Variants in CELF2 observed in about 807,000 individuals in gnomAD.
CELF2 encodes CUGBP Elav-like family member 2.
In CELF2, 8 loss-of-function variants were observed where a neutral mutation model predicts 62.6. The ratio of observed to expected loss-of-function variants is 0.13; its 90% CI spans 0.07 to 0.23. CELF2 has a LOEUF of 0.23. Among genes scored for constraint, CELF2 ranks in the 10% least tolerant of loss-of-function variants. The probability of loss-of-function intolerance (pLI) is 1.00; values close to 1 mark genes in which losing one functional copy is unlikely to be tolerated. For missense variants in CELF2, 333 were observed against 671.0 expected (o/e 0.50, Z 5.56); for synonymous variants, 258 against 250.0 (o/e 1.03, Z -0.30).
chr10:11,042,749 T>G (rs2062064553), intron 1 of CELF2, among the ~76,000 whole-genome samples: 1 of 152,200 alleles, frequency 6.6e-6, no homozygotes, highest in African/African-American at 2.4e-5. Context: ...GTTAACTGGA[T>G]TTGCCTGTTA....
At chr10:10,484,660 A>G in the CELF2 span, among the ~76,000 whole-genome samples, 1 of 151,950 alleles carries the variant, frequency 6.6e-6, no homozygotes, top group African/African-American at 2.4e-5. Flanking sequence ...TCAGTCGGTT[A>G]GGAATACAAG....
chr10:10,792,056 A>AGGAGGGAGAGAGGGAGGAAGGAG, the CELF2 span, among the ~76,000 whole-genome samples: 1 of 104,492 alleles, frequency 9.6e-6, no homozygotes, highest in African/African-American at 3.3e-5. Flanking sequence ...GGAGGAAGGA[A>AGGAGGGAGAGAGGGAGGAAGGAG]GGAAGGAGGG....
At chr10:10,888,509 G>A (rs1421283652) in intron 1 of CELF2, among the ~76,000 whole-genome samples, 2 of 152,180 alleles carry the variant, frequency 1.3e-5, no homozygotes, top group African/African-American at 2.4e-5. Flanking sequence ...CTAACAAATG[G>A]AAAACAGAGA....
chr10:10,692,276 C>T, the CELF2 span, among the ~76,000 whole-genome samples: 32,821 of 149,386 alleles, frequency 0.22, 3,447 homozygotes, highest in South Asian at 0.41. Flanking sequence ...ATCCTTTCCC[C>T]ATTGCTTGTT....
rs74718403 is a variant in CELF2 at position 10,929,220 on chromosome 10, G to T, written c.89+9221G>T. ...ATGGAAGCTACGAGATCAGTCTTTG[G>T]GCTCAGAAATGCTTGAATCTTGTGT... On this transcript the variant is annotated intron_variant, in intron 2 of 13. Transcript: ENST00000636488. Among the ~76,000 whole-genome samples, 375 of 152,134 alleles carry T rather than the reference G, an allele frequency of 2.5e-3. 4 individuals carry two copies. Among genetic ancestry groups the T allele is most frequent in the African/African-American group, 8.8e-3 (364 of 41,502 alleles).
chr10:11,327,688 C>G (rs2095825992), intron 12 of CELF2, among the ~76,000 whole-genome samples: 2 of 152,196 alleles, frequency 1.3e-5, no homozygotes, highest in African/African-American at 4.8e-5. Context: ...TCCCAGATCA[C>G]ATTTATTGGG....
At chr10:10,510,934 AG>A in the CELF2 span, among the ~76,000 whole-genome samples, 1 of 152,196 alleles carries the variant, frequency 6.6e-6, no homozygotes, top group Non-Finnish European at 1.5e-5. Flanking sequence ...CAGAATACAA[AG>A]GCCAGAGGCA....
chr10:10,697,756 C>T, the CELF2 span, among the ~76,000 whole-genome samples: 1,340 of 152,194 alleles, frequency 8.8e-3, 22 homozygotes, highest in African/African-American at 0.031. Flanking sequence ...AAGGCCGCAC[C>T]CCCCCAATAC....
the CELF2 span, among the ~76,000 whole-genome samples, chr10:10,688,001 A>T: frequency 6.6e-6 from 1 of 152,260 alleles, no homozygotes; most frequent in Admixed American, 6.5e-5. Context: ...TCTAAAGTAC[A>T]GACTCACAGC....
At chr10:10,698,991 T>A in the CELF2 span, among the ~76,000 whole-genome samples, 2 of 152,066 alleles carry the variant, frequency 1.3e-5, no homozygotes, top group African/African-American at 4.8e-5. Flanking sequence ...AACATACTAG[T>A]AAATTAGTGT....
intron 1 of CELF2, among the ~76,000 whole-genome samples, chr10:10,867,555 T>C (rs2060467146): frequency 6.6e-6 from 1 of 152,228 alleles, no homozygotes; most frequent in Admixed American, 6.5e-5. Flanking sequence ...CTCAAACTTC[T>C]GCATCATTTT....
chr10:10,565,432 C>A, the CELF2 span, among the ~76,000 whole-genome samples: 3 of 152,206 alleles, frequency 2.0e-5, no homozygotes, highest in Non-Finnish European at 4.4e-5. Context: ...AATAAAAATG[C>A]TTTCAAATGA....
chr10:10,880,295 T>G (rs1390350110), intron 1 of CELF2, among the ~76,000 whole-genome samples: 1 of 152,150 alleles, frequency 6.6e-6, no homozygotes, highest in Non-Finnish European at 1.5e-5. Flanking sequence ...CTCCCATGCC[T>G]GCTGTTAAGG....
chr10:11,165,459 T>G lies in CELF2; in HGVS notation c.75-27T>G, dbSNP rs1291934436. ...CTGTCCCTCATCGTGCCGCCCTAACTCTGGCTCCCGGTTCCGTTTTTGACA... is the reference window on the plus strand; with the variant it reads ...CTGTCCCTCATCGTGCCGCCCTAACGCTGGCTCCCGGTTCCGTTTTTGACA... On this transcript the variant is annotated intron_variant, in intron 1 of 12. Coordinates refer to ENST00000633077, the MANE Select transcript of CELF2 (RefSeq NM_001326342.2). The surrounding 1 kb of genome is among the most constrained non-coding windows in gnomAD (Gnocchi z 7.4). The G allele has an allele frequency of 6.3e-7, 1 of 1,590,994 alleles. No individual in the cohort carries two copies. Among genetic ancestry groups the G allele is most frequent in the Non-Finnish European group, 8.6e-7 (1 of 1,166,088 alleles).
At chr10:10,964,072 G>A (rs553257581) in intron 2 of CELF2, among the ~76,000 whole-genome samples, 5 of 152,164 alleles carry the variant, frequency 3.3e-5, no homozygotes, top group Non-Finnish European at 7.3e-5. Context: ...TACAATATTA[G>A]CATTATAAAG....
chr10:11,103,737 A>G (rs2052555929), intron 1 of CELF2, among the ~76,000 whole-genome samples: 1 of 152,120 alleles, frequency 6.6e-6, no homozygotes, highest in Admixed American at 6.5e-5. Flanking sequence ...TTGAGTTCTG[A>G]TTACTGGTTC....
At chr10:11,009,328 TGTGTGTGTGC>T (rs1241252391) in intron 1 of CELF2, among the ~76,000 whole-genome samples, 1 of 135,780 alleles carries the variant, frequency 7.4e-6, no homozygotes, top group Non-Finnish European at 1.5e-5. Context: ...TGTGTGTGTG[TGTGTGTGTGC>T]GCGTGTGTGT....
chr10:10,685,260 C>T, the CELF2 span, among the ~76,000 whole-genome samples: 121 of 152,300 alleles, frequency 7.9e-4, no homozygotes, highest in African/African-American at 2.7e-3. Flanking sequence ...TGGTTTTATG[C>T]AGCATCGTTC....
rs544297340 is a variant in CELF2, at chr10:11,050,527, C to T, written c.74+32364C>T. On this transcript the variant is annotated intron_variant, in intron 1 of 12. Coordinates refer to ENST00000633077, the MANE Select transcript of CELF2 (RefSeq NM_001326342.2). ...TGCTGGACTGTAGCAGCTCCTGCTG[C>T]TGGTGGGGAGCCAGTCATCTTGGAT... Among the ~76,000 whole-genome samples the T allele has an allele frequency of 1.1e-4, 16 of 152,310 alleles. 1 individual carries two copies. Among genetic ancestry groups the T allele is most frequent in the Admixed American group, 2.0e-4 (3 of 15,310 alleles).
Sources: allele counts gnomAD v4.1 joint callset (sites outside exome capture counted in the v4.1 genomes callset), GRCh38; gene constraint gnomAD v4.1.1; non-coding constraint Gnocchi (gnomAD v3.1); transcripts MANE v1.5; gene names NCBI Gene and HGNC (gene_info 2026-07-23, HGNC 2026-07-21).